CTNNA2: variants seen among roughly 807,000 people sequenced by gnomAD.
CTNNA2 encodes the protein catenin alpha 2.
CTNNA2 carries 42 observed loss-of-function variants against 101.0 expected under a neutral mutation model. The ratio of observed to expected loss-of-function variants is 0.42; its 90% CI spans 0.32 to 0.54. CTNNA2 has a LOEUF of 0.54. Ranked by LOEUF, CTNNA2 falls within the 20% of genes least tolerant of loss-of-function variation. CTNNA2 has a pLI of 0.14. For missense variants in CTNNA2, 871 were observed against 1,223.1 expected, an observed-to-expected ratio of 0.71 and a Z score of 4.29; for synonymous variants, 450 against 456.4, an observed-to-expected ratio of 0.99 and a Z score of 0.18.
chr2:79,837,678 A>G (rs950034708), intron 3 of CTNNA2, among the ~76,000 whole-genome samples: 14 of 151,868 alleles, frequency 9.2e-5, no homozygotes, highest in African/African-American at 3.1e-4. Context: ...ACCAATTGTT[A>G]TCTTTTTACT....
At chr2:79,964,027 GA>G (rs1187351930) in intron 7 of CTNNA2, among the ~76,000 whole-genome samples, 3 of 152,076 alleles carry the variant, frequency 2.0e-5, no homozygotes, top group African/African-American at 7.2e-5. Flanking sequence ...TCAAACCTGT[GA>G]AACATACCTT....
chr2:79,449,975 C>A (rs767350710), intron 4 of CTNNA2, among the ~76,000 whole-genome samples: 5 of 151,878 alleles, frequency 3.3e-5, no homozygotes, highest in Non-Finnish European at 7.4e-5. Context: ...TATTTCTATT[C>A]CAGTTTCTTC....
intron 4 of CTNNA2, among the ~76,000 whole-genome samples, chr2:79,454,678 T>G (rs1005302426): frequency 6.6e-6 from 1 of 152,046 alleles, no homozygotes; most frequent in African/African-American, 2.4e-5. Context: ...GTTAAATGAT[T>G]GAGTCTACGT....
intron 7 of CTNNA2, among the ~76,000 whole-genome samples, chr2:80,331,996 TGCAGGA>T (rs1204144599): frequency 6.6e-6 from 1 of 152,168 alleles, no homozygotes; most frequent in Non-Finnish European, 1.5e-5. Flanking sequence ...ACCATTCCCG[TGCAGGA>T]GTAAGGTTTC....
At chr2:80,396,820 T>A (rs1678059337) in intron 8 of CTNNA2, among the ~76,000 whole-genome samples, 1 of 152,212 alleles carries the variant, frequency 6.6e-6, no homozygotes, top group Non-Finnish European at 1.5e-5. Flanking sequence ...ATCAAAGGCC[T>A]AATTCTTATT....
chr2:80,451,667 T>C (rs1559121342), intron 9 of CTNNA2, among the ~76,000 whole-genome samples: 1 of 152,230 alleles, frequency 6.6e-6, no homozygotes, highest in African/African-American at 2.4e-5. Context: ...AATTTAGATT[T>C]GTTCTCTTAG....
At chr2:79,630,980 T>C (rs1329727587) in intron 1 of CTNNA2, among the ~76,000 whole-genome samples, 1 of 150,578 alleles carries the variant, frequency 6.6e-6, no homozygotes, top group Non-Finnish European at 1.5e-5. Flanking sequence ...TGAAAGCTGG[T>C]TGAAACCCTT....
chr2:80,007,170 T>G (rs1693430363), intron 7 of CTNNA2, among the ~76,000 whole-genome samples: 1 of 152,176 alleles, frequency 6.6e-6, no homozygotes, highest in African/African-American at 2.4e-5. Context: ...TCAGTTTGCT[T>G]CTCTGTGCAG....
At chr2:80,004,447 T>C (rs1193342136) in intron 7 of CTNNA2, among the ~76,000 whole-genome samples, 40 of 152,138 alleles carry the variant, frequency 2.6e-4, no homozygotes, top group Admixed American at 2.6e-3. Context: ...GTTACAAATG[T>C]AAATAAGTAA....
At chr2:79,901,924 T>A (rs1190540258) in intron 6 of CTNNA2, among the ~76,000 whole-genome samples, 1 of 152,228 alleles carries the variant, frequency 6.6e-6, no homozygotes, top group African/African-American at 2.4e-5. Flanking sequence ...CAAACTCAGC[T>A]TTAAGACGGT....
intron 7 of CTNNA2, among the ~76,000 whole-genome samples, chr2:79,948,858 C>T (rs1226113616): frequency 1.3e-5 from 2 of 152,138 alleles, no homozygotes; most frequent in East Asian, 3.9e-4. Flanking sequence ...GTCCCAGCTA[C>T]TCAGGAGGCT....
intron 7 of CTNNA2, among the ~76,000 whole-genome samples, chr2:80,223,875 G>A (rs1356196486): frequency 6.6e-6 from 1 of 152,160 alleles, no homozygotes; most frequent in Non-Finnish European, 1.5e-5. Flanking sequence ...GTTGTAGTTT[G>A]CCAGGTCCAA....
At chr2:79,894,413 C>T (rs1251110379) in intron 6 of CTNNA2, among the ~76,000 whole-genome samples, 7 of 147,720 alleles carry the variant, frequency 4.7e-5, no homozygotes. Context: ...ATATTATTTA[C>T]TAGTAAAACT....
intron 3 of CTNNA2, among the ~76,000 whole-genome samples, chr2:79,314,249 G>A (rs1676446369): frequency 6.6e-6 from 1 of 152,106 alleles, no homozygotes; most frequent in Non-Finnish European, 1.5e-5. Flanking sequence ...ATTCCCCAGA[G>A]GAGAGAACCA....
At chr2:80,310,045 C>A (rs924024754) in intron 7 of CTNNA2, among the ~76,000 whole-genome samples, 1 of 152,040 alleles carries the variant, frequency 6.6e-6, no homozygotes, top group Non-Finnish European at 1.5e-5. Flanking sequence ...TGCATTTAAC[C>A]ATTAGCCCCA....
intron 4 of CTNNA2, among the ~76,000 whole-genome samples, chr2:79,461,234 T>A (rs1031313606): frequency 1.3e-5 from 2 of 152,252 alleles, no homozygotes; most frequent in Non-Finnish European, 1.5e-5. Flanking sequence ...TTGTGAAACT[T>A]GTCTGTATCA....
chr2:80,167,955 A>G (rs1472645798), intron 7 of CTNNA2, among the ~76,000 whole-genome samples: 2 of 152,306 alleles, frequency 1.3e-5, no homozygotes, highest in Admixed American at 1.3e-4. Context: ...GGAAGCATTT[A>G]ATCAGCGTGT....
At chr2:79,755,322 G>A (rs951694800) in intron 3 of CTNNA2, among the ~76,000 whole-genome samples, 4 of 152,124 alleles carry the variant, frequency 2.6e-5, no homozygotes, top group Admixed American at 2.6e-4. Context: ...CAAAGCAAGA[G>A]CAAATGATAC....
chr2:80,239,737 C>A (rs1709742631), intron 7 of CTNNA2, among the ~76,000 whole-genome samples: 1 of 151,808 alleles, frequency 6.6e-6, no homozygotes, highest in Admixed American at 6.6e-5. Flanking sequence ...CATGGTGAAA[C>A]CCCGTCTTTA....
Sources: allele counts gnomAD v4.1 joint callset (sites outside exome capture counted in the v4.1 genomes callset), GRCh38; gene constraint gnomAD v4.1.1; transcripts MANE v1.5; gene names NCBI Gene and HGNC (gene_info 2026-07-23, HGNC 2026-07-21).